Variants in TAPT1 observed in about 807,000 individuals in gnomAD.
TAPT1 encodes transmembrane anterior posterior transformation 1.
Under a neutral mutation model 65.6 loss-of-function variants are expected in TAPT1, and 28 were observed. The ratio of observed to expected loss-of-function variants is 0.43; its 90% CI spans 0.32 to 0.59. The LOEUF (loss-of-function observed/expected upper bound fraction) is 0.59. Among genes scored for constraint, TAPT1 ranks in the 20% least tolerant of loss-of-function variants. The probability of loss-of-function intolerance (pLI) is 0.09; values close to 1 mark genes in which losing one functional copy is unlikely to be tolerated. For missense variants in TAPT1, 563 were observed against 679.9 expected (o/e 0.83, Z 1.91); for synonymous variants, 278 against 245.2 (o/e 1.13, Z -1.25).
chr4:16,170,360 G>A (rs1288615249), intron 12 of TAPT1, among the ~76,000 whole-genome samples: 13 of 152,202 alleles, frequency 8.5e-5, no homozygotes, highest in African/African-American at 3.1e-4. Flanking sequence ...TGTCTGCAAT[G>A]GCAGTCTTTT....
intron 2 of TAPT1, among the ~76,000 whole-genome samples, chr4:16,213,342 T>C (rs1242750711): frequency 6.6e-6 from 1 of 151,898 alleles, no homozygotes; most frequent in African/African-American, 2.4e-5. Flanking sequence ...GAAGAGACTG[T>C]CCTGTATGTT....
At chr4:16,205,717 G>A (rs748416770) in intron 2 of TAPT1, among the ~76,000 whole-genome samples, 2 of 151,926 alleles carry the variant, frequency 1.3e-5, no homozygotes, top group African/African-American at 4.8e-5. Flanking sequence ...AAAGAGGACC[G>A]AATTTCAAAC....
Position 16,163,227 on chromosome 4 carries a change from C to A in TAPT1, c.*81G>T. 1.1e-6 allele frequency: 1 copy of A among 945,352 alleles called. No homozygotes were observed. Among genetic ancestry groups the A allele is most frequent in the Non-Finnish European group, 1.7e-6 (1 of 591,532 alleles). 58.6% of individuals were successfully genotyped at this position (945,352 alleles called of 1,614,324 possible). ...AGTTTTTAAATAAATATTTAAGTGC[C>A]ATGTTTAGCATCTATTTGTCCTGGC... On this transcript the variant is annotated 3_prime_UTR_variant, in exon 14 of 14. Transcript: ENST00000405303.
intron 3 of TAPT1, among the ~76,000 whole-genome samples, chr4:16,192,882 C>T (rs1330413934): frequency 6.6e-6 from 1 of 152,172 alleles, no homozygotes; most frequent in Non-Finnish European, 1.5e-5. Context: ...ATCTGAGTCA[C>T]CTATGTATTT....
intron 3 of TAPT1, among the ~76,000 whole-genome samples, chr4:16,201,273 C>G (rs1402371025): frequency 6.6e-5 from 10 of 151,990 alleles, no homozygotes; most frequent in Non-Finnish European, 1.2e-4. Flanking sequence ...AAAAAAGAAC[C>G]TTTCATGGCT....
At chr4:16,196,184 T>G (rs1749695878) in intron 3 of TAPT1, among the ~76,000 whole-genome samples, 1 of 152,236 alleles carries the variant, frequency 6.6e-6, no homozygotes, top group South Asian at 2.1e-4. Context: ...TTAAGTATCT[T>G]AAATCTTCAG....
At chr4:16,168,162 G>A (rs1747761539) in intron 12 of TAPT1, among the ~76,000 whole-genome samples, 1 of 151,676 alleles carries the variant, frequency 6.6e-6, no homozygotes, top group South Asian at 2.1e-4. Context: ...CGCCCAGGCT[G>A]TGGTGCAGTG....
At chr4:16,215,432 A>G (rs1247983146) in intron 1 of TAPT1, among the ~76,000 whole-genome samples, 4 of 152,182 alleles carry the variant, frequency 2.6e-5, no homozygotes, top group African/African-American at 7.2e-5. Context: ...TGGTTCTTTG[A>G]GTATTATGTC....
chr4:16,174,159 T>G, intron 11 of TAPT1, 45 bp downstream of exon 11: 1 of 1,352,060 alleles, frequency 7.4e-7, no homozygotes, highest in Non-Finnish European at 1.0e-6. Context: ...TATTCTATAA[T>G]GATGGCTACT....
intron 2 of TAPT1, among the ~76,000 whole-genome samples, chr4:16,210,064 T>C (rs77864920): frequency 0.053 from 8,077 of 152,262 alleles, 241 homozygotes; most frequent in Middle Eastern, 0.14. Context: ...CCAGACTCTA[T>C]AGGGCTTGGC....
At chr4:16,172,068 C>T (rs1748030129) in intron 11 of TAPT1, among the ~76,000 whole-genome samples, 1 of 152,126 alleles carries the variant, frequency 6.6e-6, no homozygotes, top group African/African-American at 2.4e-5. Flanking sequence ...GAGCAAAGTG[C>T]TATGGAAGGA....
intron 4 of TAPT1, chr4:16,190,107 A>C (rs1749275816): frequency 6.6e-6 from 1 of 152,186 alleles, no homozygotes; most frequent in South Asian, 2.1e-4. Flanking sequence ...TATGGTTTTA[A>C]AACATCTTGG....
At chr4:16,215,434 T>A (rs1271536721) in intron 1 of TAPT1, among the ~76,000 whole-genome samples, 1 of 152,170 alleles carries the variant, frequency 6.6e-6, no homozygotes, top group Non-Finnish European at 1.5e-5. Flanking sequence ...GTTCTTTGAG[T>A]ATTATGTCAA....
rs1462807510 is a variant in TAPT1, at chr4:16,161,720, G to A, written c.*1588C>T. 3.3e-5 allele frequency: 5 copies of A among 152,130 alleles called. No homozygotes were observed. Among genetic ancestry groups the A allele is most frequent in the African/African-American group, 9.7e-5 (4 of 41,418 alleles). 9.4% of individuals were successfully genotyped at this position (152,130 alleles called of 1,614,324 possible). On this transcript the variant is annotated 3_prime_UTR_variant, in exon 14 of 14. Coordinates refer to ENST00000405303, the MANE Select transcript of TAPT1 (RefSeq NM_153365.3). ...ACAATTTCCTCAACATTAATCTTCA[G>A]ATTTCTTTAGTTAATGCAAAACATT...
chr4:16,211,050 T>G lies in TAPT1; in HGVS notation c.330+2718A>C, dbSNP rs61006302. Among the ~76,000 whole-genome samples, 6 of 151,958 alleles carry G rather than the reference T, an allele frequency of 3.9e-5. No individual in the cohort carries two copies. In the East Asian group the frequency reaches 9.6e-4, roughly 24 times the overall value. ...ACAACACAAAAATTGGGGTGTTTTTTTTTTCACATTAGTAAACAGGTTTGA... is the reference window on the plus strand; with the variant it reads ...ACAACACAAAAATTGGGGTGTTTTTGTTTTCACATTAGTAAACAGGTTTGA... On this transcript the variant is annotated intron_variant, in intron 2 of 13. Transcript: ENST00000405303.
intron 1 of TAPT1, among the ~76,000 whole-genome samples, 153 bp from the exon 2 acceptor site, chr4:16,214,051 G>A (rs921945299): frequency 6.6e-6 from 1 of 152,190 alleles, no homozygotes; most frequent in Admixed American, 6.5e-5. Context: ...ACAATGATCA[G>A]CAAGTATTTT....
At chr4:16,190,010 C>G (rs1014983968) in intron 4 of TAPT1, 1 of 152,332 alleles carries the variant, frequency 6.6e-6, no homozygotes, top group African/African-American at 2.4e-5. Flanking sequence ...TATTCTGTTT[C>G]ACAAACTTTG....
intron 5 of TAPT1, among the ~76,000 whole-genome samples, chr4:16,187,223 A>C (rs1026015275): frequency 6.6e-6 from 1 of 152,188 alleles, no homozygotes; most frequent in Non-Finnish European, 1.5e-5. Context: ...AAATGGAATA[A>C]ATTATGGTAA....
At chr4:16,203,605 G>C (rs961634811) in intron 2 of TAPT1, among the ~76,000 whole-genome samples, 8 of 152,178 alleles carry the variant, frequency 5.3e-5, no homozygotes. Context: ...TTTGGACACA[G>C]GCACAGACAG....
Sources: gnomAD v4.1 joint callset for allele counts (sites outside exome capture counted in the v4.1 genomes callset) on GRCh38, gnomAD v4.1.1 for gene constraint, MANE v1.5 for transcripts, NCBI Gene and HGNC (gene_info 2026-07-23, HGNC 2026-07-21) for gene names.